The following SNTG1 variants were observed in gnomAD, a reference collection of about 807,000 sequenced individuals.
SNTG1 encodes the protein syntrophin gamma 1, also known as gamma-1-syntrophin.
A neutral mutation model predicts 74.7 loss-of-function variants in SNTG1; 39 were observed. That is an observed-to-expected ratio of 0.52 (90% CI 0.40 to 0.68). The LOEUF is 0.68. Ranked by LOEUF, SNTG1 falls within the 30% of genes least tolerant of loss-of-function variation. The pLI is 0.00. For synonymous variants in SNTG1, 254 were observed against 217.1 expected (o/e 1.17, Z -1.49); for missense variants, 685 against 609.5 (o/e 1.12, Z -1.30).
At chr8:50,186,416 C>T (rs2083386379) in intron 2 of SNTG1, among the ~76,000 whole-genome samples, 1 of 151,892 alleles carries the variant, frequency 6.6e-6, no homozygotes, top group Non-Finnish European at 1.5e-5. Context: ...TAGAAATCAC[C>T]TTAATTCAAA....
chr8:50,586,650 AATAC>A (rs1273013371), intron 12 of SNTG1, among the ~76,000 whole-genome samples: 1 of 59,624 alleles, frequency 1.7e-5, no homozygotes, highest in Admixed American at 2.0e-4. Context: ...TCATTTCATT[AATAC>A]ACACACACAC....
intron 1 of SNTG1, among the ~76,000 whole-genome samples, chr8:49,938,457 CA>C (rs1482799239): frequency 6.6e-6 from 1 of 152,124 alleles, no homozygotes; most frequent in Non-Finnish European, 1.5e-5. Flanking sequence ...AGACAGGATT[CA>C]AATTAATTGC....
intron 1 of SNTG1, among the ~76,000 whole-genome samples, chr8:50,016,379 T>C (rs185201234): frequency 1.2e-3 from 187 of 152,236 alleles, no homozygotes; most frequent in African/African-American, 4.4e-3. Flanking sequence ...TTTTCACCTT[T>C]CCAATTTGCT....
intron 2 of SNTG1, among the ~76,000 whole-genome samples, chr8:50,349,817 G>A (rs566633728): frequency 3.3e-5 from 5 of 152,272 alleles, no homozygotes; most frequent in East Asian, 1.9e-4. Flanking sequence ...CCACTTTGGC[G>A]GCACTTGAGG....
chr8:50,325,483 A>G (rs1378405636), intron 2 of SNTG1, among the ~76,000 whole-genome samples: 2 of 152,070 alleles, frequency 1.3e-5, no homozygotes, highest in African/African-American at 2.4e-5. Flanking sequence ...GCTAATGTAA[A>G]TGATATTGCA....
At chr8:50,421,240 G>C (rs1257406704) in intron 4 of SNTG1, among the ~76,000 whole-genome samples, 1 of 152,056 alleles carries the variant, frequency 6.6e-6, no homozygotes, top group Admixed American at 6.6e-5. Flanking sequence ...AGTTTATTAA[G>C]ATAGTAAAGG....
intron 12 of SNTG1, among the ~76,000 whole-genome samples, chr8:50,566,037 G>A (rs906037073): frequency 1.3e-5 from 2 of 151,754 alleles, no homozygotes; most frequent in Non-Finnish European, 2.9e-5. Flanking sequence ...TTTTTCATAA[G>A]ACTCAATTTA....
chr8:50,711,097 C>G (rs549451492), intron 17 of SNTG1, among the ~76,000 whole-genome samples: 112 of 152,260 alleles, frequency 7.4e-4, no homozygotes, highest in African/African-American at 2.6e-3. Flanking sequence ...TCCTGGGCAA[C>G]CCACTGAGCT....
chr8:50,026,986 CCCA>C (rs1817320279), intron 1 of SNTG1, among the ~76,000 whole-genome samples: 1 of 152,144 alleles, frequency 6.6e-6, no homozygotes, highest in Non-Finnish European at 1.5e-5. Flanking sequence ...CTGGGCAAAG[CCCA>C]TGTCACTCAT....
intron 8 of SNTG1, among the ~76,000 whole-genome samples, chr8:50,452,108 C>T (rs1247185144): frequency 6.6e-6 from 1 of 152,138 alleles, no homozygotes; most frequent in Non-Finnish European, 1.5e-5. Context: ...TGCACAAGAA[C>T]CGAGACGAAG....
At chr8:50,143,853 T>C (rs1202938237) in intron 1 of SNTG1, among the ~76,000 whole-genome samples, 1 of 152,216 alleles carries the variant, frequency 6.6e-6, no homozygotes, top group African/African-American at 2.4e-5. Flanking sequence ...AAACTTGGAA[T>C]ACAGCTACAC....
At chr8:50,651,914 G>T (rs1169169541) in intron 13 of SNTG1, among the ~76,000 whole-genome samples, 2 of 151,516 alleles carry the variant, frequency 1.3e-5, no homozygotes, top group Non-Finnish European at 2.9e-5. Context: ...GAGTAGCTGG[G>T]ATTACAGGCA....
At chr8:50,397,650 T>A (rs747904979) in intron 3 of SNTG1, among the ~76,000 whole-genome samples, 2 of 152,218 alleles carry the variant, frequency 1.3e-5, no homozygotes, top group African/African-American at 2.4e-5. Context: ...GTTGTTCTTT[T>A]CAAAATTATC....
intron 17 of SNTG1, among the ~76,000 whole-genome samples, chr8:50,734,669 T>G (rs910416981): frequency 1.3e-5 from 2 of 148,470 alleles, no homozygotes; most frequent in African/African-American, 4.9e-5. Context: ...TCTCTGGAGA[T>G]ATATATAGAT....
chr8:50,643,645 T>C (rs1443206936), intron 13 of SNTG1, among the ~76,000 whole-genome samples: 2 of 152,216 alleles, frequency 1.3e-5, no homozygotes, highest in Non-Finnish European at 2.9e-5. Context: ...TTTTGAAATT[T>C]ATTTGATTAA....
intron 2 of SNTG1, among the ~76,000 whole-genome samples, chr8:50,248,975 A>T (rs565062360): frequency 6.6e-6 from 1 of 152,172 alleles, no homozygotes; most frequent in Non-Finnish European, 1.5e-5. Flanking sequence ...CATCAAGGTA[A>T]CATCAAAATT....
chr8:50,582,724 C>T (rs75342301), intron 12 of SNTG1, among the ~76,000 whole-genome samples: 5,070 of 152,108 alleles, frequency 0.033, 134 homozygotes, highest in African/African-American at 0.063. Flanking sequence ...TAAGCAAATA[C>T]GATGACCTAG....
At chr8:50,153,034 A>T (rs1351526948) in intron 1 of SNTG1, among the ~76,000 whole-genome samples, 1 of 152,196 alleles carries the variant, frequency 6.6e-6, no homozygotes, top group Non-Finnish European at 1.5e-5. Context: ...CGTCACTTTC[A>T]GGTACACCAA....
intron 1 of SNTG1, among the ~76,000 whole-genome samples, chr8:49,920,673 T>A (rs1806457182): frequency 6.6e-6 from 1 of 152,136 alleles, no homozygotes; most frequent in East Asian, 1.9e-4. Flanking sequence ...TGTGTTATCT[T>A]GATCTTAATC....
Sources: gnomAD v4.1 joint callset for allele counts (sites outside exome capture counted in the v4.1 genomes callset) on GRCh38, gnomAD v4.1.1 for gene constraint, MANE v1.5 for transcripts, NCBI Gene and HGNC (gene_info 2026-07-23, HGNC 2026-07-21) for gene names.